The following NAV3 variants were observed in gnomAD, a reference collection of about 807,000 sequenced individuals.
NAV3 encodes the protein neuron navigator 3.
A neutral mutation model predicts 244.7 loss-of-function variants in NAV3; 87 were observed. The ratio of observed to expected loss-of-function variants is 0.36; its 90% confidence interval spans 0.30 to 0.42. The LOEUF (loss-of-function observed/expected upper bound fraction) is 0.42, where lower values mean the gene tolerates loss of function less well. Ranked by LOEUF, NAV3 falls within the 20% of genes least tolerant of loss-of-function variation. The pLI is 1.00. For missense variants in NAV3, 2,663 were observed against 2,893.3 expected, an observed-to-expected ratio of 0.92 and a Z score of 1.83; for synonymous variants, 1,126 against 1,042.2, an observed-to-expected ratio of 1.08 and a Z score of -1.55.
chr12:77,619,146 T>C (rs1288849572), intron 2 of NAV3, among the ~76,000 whole-genome samples: 1 of 152,224 alleles, frequency 6.6e-6, no homozygotes, highest in Non-Finnish European at 1.5e-5. Flanking sequence ...TGTCATATTT[T>C]GAAAAGTGGT....
chr12:78,108,801 C>A (rs1350407789), intron 12 of NAV3, among the ~76,000 whole-genome samples: 12 of 151,944 alleles, frequency 7.9e-5, no homozygotes, highest in African/African-American at 2.2e-4. Context: ...TGGCATACAG[C>A]AAAAGCAGTG....
intron 2 of NAV3, among the ~76,000 whole-genome samples, chr12:77,800,969 G>A (rs781322208): frequency 4.0e-5 from 6 of 151,828 alleles, no homozygotes; most frequent in East Asian, 1.9e-4. Context: ...AAGTAATTAG[G>A]GAAAAATATC....
In NAV3 at chr12:78,190,279, A is replaced by C. The variant is rs1958915589; in HGVS notation, c.6291+60A>C. On this transcript the variant is annotated intron_variant, in intron 34 of 39. Coordinates refer to ENST00000397909, the MANE Select transcript of NAV3 (RefSeq NM_001024383.2). ...TTATCCATAAGTGTTTTAAGCAATC[A>C]AATTATAAGATTTTGTGAGACTTCC... The C allele has an allele frequency of 3.6e-6, 5 of 1,386,536 alleles. No homozygotes were observed. The African/African-American group carries it at 7.3e-5, about 20-fold the overall frequency. 85.9% of individuals were successfully genotyped at this position (1,386,536 alleles called of 1,614,324 possible).
intron 2 of NAV3, among the ~76,000 whole-genome samples, chr12:77,720,382 C>T (rs1368509023): frequency 5.3e-5 from 8 of 152,130 alleles, no homozygotes. Flanking sequence ...CTGTGGGTGT[C>T]TTCTCAGGAA....
chr12:77,879,159 C>T (rs780173044), intron 1 of NAV3, among the ~76,000 whole-genome samples: 2 of 152,122 alleles, frequency 1.3e-5, no homozygotes, highest in Non-Finnish European at 2.9e-5. Context: ...GAGTTGCGAA[C>T]CCGCTTGGAT....
chr12:77,732,004 T>G (rs975076418), intron 2 of NAV3, among the ~76,000 whole-genome samples: 1 of 151,536 alleles, frequency 6.6e-6, no homozygotes, highest in Non-Finnish European at 1.5e-5. Context: ...AGAGAACGAG[T>G]CGGTAGAAAG....
chr12:77,615,508 T>G (rs1342064180), intron 2 of NAV3, among the ~76,000 whole-genome samples: 3 of 152,188 alleles, frequency 2.0e-5, no homozygotes, highest in Non-Finnish European at 4.4e-5. Context: ...CATAGGATAA[T>G]GATCTCCAGC....
At chr12:77,755,554 T>TTTCCTTTCCC in intron 2 of NAV3, among the ~76,000 whole-genome samples, 1 of 63,390 alleles carries the variant, frequency 1.6e-5, no homozygotes, top group Admixed American at 1.3e-4. Flanking sequence ...TTTCCTTTCC[T>TTTCCTTTCCC]TTCCTTTCCT....
intron 17 of NAV3, among the ~76,000 whole-genome samples, 164 bp from the exon 18 acceptor site, chr12:78,128,542 C>G (rs996062986): frequency 2.6e-5 from 4 of 152,164 alleles, no homozygotes; most frequent in Non-Finnish European, 5.9e-5. Context: ...GTGATTCAAA[C>G]AGATGGCGTA....
chr12:78,011,768 T>A (rs1239077147), intron 8 of NAV3, among the ~76,000 whole-genome samples: 1 of 152,188 alleles, frequency 6.6e-6, no homozygotes, highest in Non-Finnish European at 1.5e-5. Flanking sequence ...TTCCTGAGAC[T>A]GGATAATTTA....
At chr12:77,873,463 A>G (rs533159649) in intron 1 of NAV3, among the ~76,000 whole-genome samples, 15 of 151,662 alleles carry the variant, frequency 9.9e-5, no homozygotes, top group Non-Finnish European at 2.2e-4. Flanking sequence ...TATTTTGATG[A>G]ACTTAATTTT....
At chr12:77,883,634 A>T (rs1882934228) in intron 1 of NAV3, among the ~76,000 whole-genome samples, 1 of 152,140 alleles carries the variant, frequency 6.6e-6, no homozygotes, top group African/African-American at 2.4e-5. Flanking sequence ...CTTCTAACGT[A>T]TTTACTAAAT....
chr12:77,938,771 T>C (rs1889576931), intron 1 of NAV3, among the ~76,000 whole-genome samples: 1 of 152,122 alleles, frequency 6.6e-6, no homozygotes, highest in Non-Finnish European at 1.5e-5. Context: ...AAGTCAAATA[T>C]CTATCAACTG....
In NAV3 at chr12:78,122,223, G is replaced by T. The variant is rs917683869; in HGVS notation, c.4033G>T (p.Val1345Leu). ...TCACTCTTTCACATCAGGTGGTCTC[G>T]TGTGGGCTGCCAATATGAGCAGTTC... ...SVHSFTSGGL[V>L]WAANMSSSSA... The change falls in exon 16 of 40, where the codon GTG becomes TTG. Residue 1345 changes from valine to leucine, a missense_variant. This residue lies in a region of NAV3 where 354 missense variants were observed against 413.0 expected (regional missense o/e 0.86). Transcript: ENST00000397909. 1.6e-5 allele frequency: 26 copies of T among 1,614,148 alleles called. No individual in the cohort carries two copies. The highest frequency in any genetic ancestry group is 2.1e-5 in the Non-Finnish European group (25 of 1,180,024).
intron 5 of NAV3, among the ~76,000 whole-genome samples, chr12:77,991,852 G>A (rs1470254001): frequency 7.9e-5 from 12 of 152,070 alleles, no homozygotes; most frequent in African/African-American, 2.2e-4. Context: ...CCAACATGGC[G>A]AAACACTGCC....
At chr12:78,114,648 T>C (rs1955278721) in intron 12 of NAV3, among the ~76,000 whole-genome samples, 1 of 152,150 alleles carries the variant, frequency 6.6e-6, no homozygotes, top group Admixed American at 6.5e-5. Flanking sequence ...GTTCCTCCCA[T>C]GACACGTGAA....
intron 1 of NAV3, among the ~76,000 whole-genome samples, chr12:77,861,635 G>A (rs1592813105): frequency 6.6e-6 from 1 of 151,822 alleles, no homozygotes; most frequent in East Asian, 1.9e-4. Context: ...ATTTAGAGTT[G>A]CTATTACCTT....
At chr12:78,149,731 C>A (rs1217555768) in intron 22 of NAV3, among the ~76,000 whole-genome samples, 1 of 152,040 alleles carries the variant, frequency 6.6e-6, no homozygotes, top group East Asian at 1.9e-4. Flanking sequence ...TGCTCTGTGC[C>A]TCCCCACCCC....
chr12:78,179,800 C>G, intron 29 of NAV3, 118 bp downstream of exon 29: 1 of 1,156,426 alleles, frequency 8.6e-7, no homozygotes, highest in Non-Finnish European at 1.2e-6. Flanking sequence ...GAAATGTACT[C>G]TGTTTATTCA....
Sources: gnomAD v4.1 joint callset for allele counts (sites outside exome capture counted in the v4.1 genomes callset) on GRCh38, gnomAD v4.1.1 for gene constraint, gnomAD v4.1.1 regional missense constraint, MANE v1.5 for transcripts, NCBI Gene and HGNC (gene_info 2026-07-23, HGNC 2026-07-21) for gene names.